SLC1A1: variants seen among roughly 807,000 people sequenced by gnomAD.
SLC1A1 encodes the protein solute carrier family 1 member 1.
SLC1A1 carries 43 observed loss-of-function variants against 53.3 expected under a neutral mutation model. That is an observed-to-expected ratio of 0.81 (90% CI 0.63 to 1.04). The LOEUF is 1.04. Among genes scored for constraint, SLC1A1 ranks in the 50% least tolerant of loss-of-function variants. The pLI is 0.00. For missense variants in SLC1A1, 748 were observed against 664.9 expected (o/e 1.12, Z -1.37); for synonymous variants, 307 against 243.2 (o/e 1.26, Z -2.44).
intron 1 of SLC1A1, among the ~76,000 whole-genome samples, chr9:4,517,372 GCCTA>G (rs1815887861): frequency 6.6e-6 from 1 of 152,138 alleles, no homozygotes; most frequent in African/African-American, 2.4e-5. Flanking sequence ...GTCTTGTCCT[GCCTA>G]CTAGAATACA....
chr9:4,567,869 G>C, intron 6 of SLC1A1, 102 bp downstream of exon 6: 1 of 815,508 alleles, frequency 1.2e-6, no homozygotes, highest in Non-Finnish European at 2.1e-6. Context: ...AATCGCATTT[G>C]CAAATTCACC....
In SLC1A1 at chr9:4,490,786, G is replaced by A; in HGVS notation, c.91+16G>A. 1 of 1,602,800 alleles carries A rather than the reference G, an allele frequency of 6.2e-7. No individual in the cohort carries two copies. The highest frequency in any genetic ancestry group is 8.5e-7 in the Non-Finnish European group (1 of 1,171,144). On this transcript the variant is annotated intron_variant, in intron 1 of 11. Coordinates refer to ENST00000262352, the MANE Select transcript of SLC1A1 (RefSeq NM_004170.6). ...GTGGTGCTAGGTGAGCGGCGCGGCG[G>A]GTGGGCGATGCGCGCACCCTCACGC...
chr9:4,545,995 A>T (rs1251294787), intron 2 of SLC1A1, among the ~76,000 whole-genome samples: 1 of 151,390 alleles, frequency 6.6e-6, no homozygotes, highest in African/African-American at 2.4e-5. Context: ...CTTCTAGAAC[A>T]TTTTTCTCCA....
intron 2 of SLC1A1, among the ~76,000 whole-genome samples, chr9:4,557,397 G>C (rs969765953): frequency 6.6e-6 from 1 of 152,116 alleles, no homozygotes; most frequent in Non-Finnish European, 1.5e-5. Context: ...CGACATTGTC[G>C]AGCACCCACT....
intron 1 of SLC1A1, among the ~76,000 whole-genome samples, chr9:4,509,735 T>C (rs7030825): frequency 0.68 from 103,493 of 151,954 alleles, 35,549 homozygotes; most frequent in African/African-American, 0.76. Flanking sequence ...GGAGAGTGAC[T>C]AGCACAGAGC....
chr9:4,517,665 A>G lies in SLC1A1; in HGVS notation c.91+26895A>G, dbSNP rs547432653. The stretch of plus-strand genomic sequence containing the variant: ...TATGTGGGCTGAGCTCACAAAATTT[A>G]ACAATTGTTTTTAGCTTTTGTTCAC... On this transcript the variant is annotated intron_variant, in intron 1 of 11. Transcript: ENST00000262352. Among the ~76,000 whole-genome samples, 12 of 152,286 alleles carry G rather than the reference A, an allele frequency of 7.9e-5. No individual in the cohort carries two copies. The South Asian group carries it at 1.7e-3, about 21-fold the overall frequency.
chr9:4,511,590 C>CACAG (rs1239901492), intron 1 of SLC1A1, among the ~76,000 whole-genome samples: 7 of 151,678 alleles, frequency 4.6e-5, no homozygotes, highest in Non-Finnish European at 8.8e-5. Flanking sequence ...CACACACACA[C>CACAG]ACACACACAC....
At chr9:4,557,590 A>T (rs1359907473) in intron 2 of SLC1A1, among the ~76,000 whole-genome samples, 1 of 152,004 alleles carries the variant, frequency 6.6e-6, no homozygotes, top group East Asian at 1.9e-4. Flanking sequence ...GTTCAAGACC[A>T]GCCTGGGCAA....
At chr9:4,569,527 T>A (rs180906997) in intron 6 of SLC1A1, among the ~76,000 whole-genome samples, 3 of 152,198 alleles carry the variant, frequency 2.0e-5, no homozygotes, top group African/African-American at 7.2e-5. Context: ...TGGGCCTGCA[T>A]TGGTACCTCT....
At chr9:4,539,116 G>C (rs1023703385) in intron 1 of SLC1A1, among the ~76,000 whole-genome samples, 1 of 152,096 alleles carries the variant, frequency 6.6e-6, no homozygotes, top group Non-Finnish European at 1.5e-5. Flanking sequence ...AAAAACAACA[G>C]ATGATTTCAA....
chr9:4,570,331 A>G (rs10974629), intron 6 of SLC1A1, among the ~76,000 whole-genome samples: 66,008 of 151,810 alleles, frequency 0.43, 14,590 homozygotes, highest in Middle Eastern at 0.54. Flanking sequence ...TATATGTTTG[A>G]TCATAAGTAA....
intron 1 of SLC1A1, among the ~76,000 whole-genome samples, chr9:4,529,686 CT>C (rs148370853): frequency 6.8e-6 from 1 of 148,090 alleles, no homozygotes; most frequent in Non-Finnish European, 1.5e-5. Flanking sequence ...CAAAATGAAA[CT>C]TTTTTTGTGT....
intron 1 of SLC1A1, among the ~76,000 whole-genome samples, chr9:4,544,214 A>G (rs891998346): frequency 1.3e-5 from 2 of 152,182 alleles, no homozygotes; most frequent in Admixed American, 6.5e-5. Context: ...CTCTGCAGGT[A>G]GAAAAAGGTG....
chr9:4,580,651 G>A (rs301433), intron 10 of SLC1A1, among the ~76,000 whole-genome samples: 1,517 of 118,656 alleles, frequency 0.013, 75 homozygotes, highest in East Asian at 0.032. Context: ...GTGTGTGTGT[G>A]TATAAGGAAT....
chr9:4,517,365 T>A (rs1171330068), intron 1 of SLC1A1, among the ~76,000 whole-genome samples: 1 of 152,214 alleles, frequency 6.6e-6, no homozygotes, highest in Non-Finnish European at 1.5e-5. Flanking sequence ...GTCTTCTGTC[T>A]TGTCCTGCCT....
chr9:4,555,035 T>A (rs1818246962), intron 2 of SLC1A1, among the ~76,000 whole-genome samples: 1 of 152,226 alleles, frequency 6.6e-6, no homozygotes, highest in African/African-American at 2.4e-5. Flanking sequence ...ACTTTGTTCC[T>A]CACAATTAAC....
chr9:4,561,923 T>A (rs534868293), intron 3 of SLC1A1, among the ~76,000 whole-genome samples: 238 of 148,350 alleles, frequency 1.6e-3, no homozygotes, highest in African/African-American at 5.1e-3. Context: ...AAAATATGTA[T>A]TTTTTTAATT....
chr9:4,510,545 G>A (rs184029569), intron 1 of SLC1A1, among the ~76,000 whole-genome samples: 186 of 152,232 alleles, frequency 1.2e-3, no homozygotes, highest in African/African-American at 4.2e-3. Context: ...CAGTACAGGG[G>A]TTTAATATCA....
At chr9:4,519,320 T>C (rs142301116) in intron 1 of SLC1A1, among the ~76,000 whole-genome samples, 208 of 152,362 alleles carry the variant, frequency 1.4e-3, no homozygotes, top group African/African-American at 4.9e-3. Flanking sequence ...GTGTTTCCTA[T>C]GTACATTTTC....
Sources: gnomAD v4.1 joint callset for allele counts (sites outside exome capture counted in the v4.1 genomes callset) on GRCh38, gnomAD v4.1.1 for gene constraint, MANE v1.5 for transcripts, NCBI Gene and HGNC (gene_info 2026-07-23, HGNC 2026-07-21) for gene names.